The following RGS6 variants were observed in gnomAD, a reference collection of about 807,000 sequenced individuals.
RGS6 encodes regulator of G-protein signaling 6.
A neutral mutation model predicts 78.5 loss-of-function variants in RGS6; 30 were observed. The ratio of observed to expected loss-of-function variants is 0.38; its 90% CI spans 0.29 to 0.52. The LOEUF is 0.52. Among genes scored for constraint, RGS6 ranks in the 20% least tolerant of loss-of-function variants. RGS6 has a pLI of 0.85. For missense variants in RGS6, 495 were observed against 609.7 expected (o/e 0.81, Z 1.98); for synonymous variants, 206 against 206.0 (o/e 1.00, Z 0.00).
chr14:72,253,922 G>A (rs527689259), intron 2 of RGS6, among the ~76,000 whole-genome samples: 23 of 152,220 alleles, frequency 1.5e-4, no homozygotes, highest in African/African-American at 3.9e-4. Context: ...ATTACGTTTC[G>A]GGGCACCACC....
At chr14:72,051,557 G>A (rs1176120412) in intron 2 of RGS6, among the ~76,000 whole-genome samples, 1 of 152,210 alleles carries the variant, frequency 6.6e-6, no homozygotes, top group African/African-American at 2.4e-5. Flanking sequence ...GTCTGCACCT[G>A]CAAAGGAAAC....
intron 13 of RGS6, among the ~76,000 whole-genome samples, chr14:72,499,642 TA>T (rs2096693945): frequency 6.6e-6 from 1 of 152,212 alleles, no homozygotes; most frequent in African/African-American, 2.4e-5. Context: ...ATACTGTGTT[TA>T]GTTTTTTTGG....
At chr14:71,880,610 G>A in the RGS6 span, among the ~76,000 whole-genome samples, 1 of 152,210 alleles carries the variant, frequency 6.6e-6, no homozygotes, top group African/African-American at 2.4e-5. Context: ...CCAAGCCTTG[G>A]CTGCTTCCAT....
chr14:72,181,367 T>G (rs1265150712), intron 2 of RGS6, among the ~76,000 whole-genome samples: 1 of 152,236 alleles, frequency 6.6e-6, no homozygotes, highest in African/African-American at 2.4e-5. Context: ...CAGACAGTGT[T>G]CAAAGCCAAA....
chr14:72,265,392 G>A (rs948209813), intron 2 of RGS6, among the ~76,000 whole-genome samples: 1 of 152,126 alleles, frequency 6.6e-6, no homozygotes, highest in African/African-American at 2.4e-5. Flanking sequence ...CACAGGCCTG[G>A]GGGTTAAATG....
At chr14:72,444,163 G>A (rs1244458002) in intron 3 of RGS6, among the ~76,000 whole-genome samples, 1 of 152,152 alleles carries the variant, frequency 6.6e-6, no homozygotes, top group Non-Finnish European at 1.5e-5. Context: ...GGAGGGTTAT[G>A]AGGTTATGAA....
chr14:72,546,630 C>A (rs933098934), intron 17 of RGS6, among the ~76,000 whole-genome samples: 1 of 152,200 alleles, frequency 6.6e-6, no homozygotes, highest in East Asian at 1.9e-4. Flanking sequence ...AATCAGGGCC[C>A]GGTGGAGGCA....
chr14:71,963,341 A>G (rs115059917), intron 1 of RGS6, among the ~76,000 whole-genome samples: 26 of 152,366 alleles, frequency 1.7e-4, no homozygotes, highest in African/African-American at 6.3e-4. Context: ...AAAAGGCCAC[A>G]TTAAATATAT....
intron 2 of RGS6, among the ~76,000 whole-genome samples, chr14:72,260,777 G>A (rs1222938680): frequency 6.6e-6 from 1 of 152,204 alleles, no homozygotes; most frequent in African/African-American, 2.4e-5. Flanking sequence ...CATATATACA[G>A]ATGCTTCCAA....
intron 2 of RGS6, among the ~76,000 whole-genome samples, chr14:72,338,733 G>C (rs965165472): frequency 6.6e-6 from 1 of 152,234 alleles, no homozygotes; most frequent in African/African-American, 2.4e-5. Flanking sequence ...GGAAAGCATA[G>C]GTCTCCAATC....
At chr14:72,324,610 G>A (rs139087435) in intron 2 of RGS6, among the ~76,000 whole-genome samples, 2,533 of 152,082 alleles carry the variant, frequency 0.017, 80 homozygotes, top group African/African-American at 0.057. Flanking sequence ...GCGGTGTTTG[G>A]TTTTCTGTCC....
rs754593212 is a variant in RGS6, at chr14:72,241,067, G to A, written c.85-111028G>A. ...AGATACTCGGGAGACTGAGGCAGGA[G>A]AATTGCTTGAACCAGGGAGTCAGAG... On this transcript the variant is annotated intron_variant, in intron 2 of 17. Coordinates refer to ENST00000553525, the MANE Select transcript of RGS6 (RefSeq NM_001204424.2). Among the ~76,000 whole-genome samples the A allele has an allele frequency of 2.7e-5, 4 of 148,790 alleles. 1 individual carries two copies. The highest frequency in any genetic ancestry group is 5.9e-5 in the Non-Finnish European group (4 of 67,580).
the RGS6 span, among the ~76,000 whole-genome samples, chr14:71,921,458 T>C: frequency 4.7e-4 from 71 of 152,350 alleles, no homozygotes; most frequent in African/African-American, 1.5e-3. Flanking sequence ...AGCCAAGATA[T>C]GGAATCAACC....
At chr14:72,138,457 T>TG (rs1399761089) in intron 2 of RGS6, among the ~76,000 whole-genome samples, 1 of 149,732 alleles carries the variant, frequency 6.7e-6, no homozygotes, top group Non-Finnish European at 1.5e-5. Context: ...CTGTTTTTTT[T>TG]TTTTTTTTTT....
chr14:72,014,113 T>C (rs891494294), intron 2 of RGS6, among the ~76,000 whole-genome samples: 1 of 152,228 alleles, frequency 6.6e-6, no homozygotes, highest in East Asian at 1.9e-4. Context: ...AGCCTTGTGT[T>C]GAATGACATG....
At chr14:72,188,520 G>C (rs1238502401) in intron 2 of RGS6, among the ~76,000 whole-genome samples, 2 of 151,540 alleles carry the variant, frequency 1.3e-5, no homozygotes, top group African/African-American at 4.9e-5. Context: ...GAAAATACGG[G>C]AGAAGAAAAA....
At chr14:72,157,177 T>C (rs1243091371) in intron 2 of RGS6, among the ~76,000 whole-genome samples, 1 of 152,150 alleles carries the variant, frequency 6.6e-6, no homozygotes, top group African/African-American at 2.4e-5. Context: ...TAGAGAAAAA[T>C]AACATTTGAA....
intron 2 of RGS6, among the ~76,000 whole-genome samples, chr14:72,290,699 G>A (rs965025339): frequency 1.3e-5 from 2 of 152,264 alleles, no homozygotes; most frequent in African/African-American, 2.4e-5. Flanking sequence ...AAGAAAATGC[G>A]CTTAATTAGA....
At chr14:72,397,362 G>C (rs1288692878) in intron 3 of RGS6, among the ~76,000 whole-genome samples, 1 of 151,804 alleles carries the variant, frequency 6.6e-6, no homozygotes, top group East Asian at 1.9e-4. Context: ...TCTGTTATTG[G>C]TGTATAAGAA....
Sources: gnomAD v4.1 joint callset for allele counts (sites outside exome capture counted in the v4.1 genomes callset) on GRCh38, gnomAD v4.1.1 for gene constraint, MANE v1.5 for transcripts, NCBI Gene and HGNC (gene_info 2026-07-23, HGNC 2026-07-21) for gene names.